Variants in MIB1 observed in about 807,000 individuals in gnomAD.
MIB1 encodes MIB E3 ubiquitin protein ligase 1, also known as E3 ubiquitin-protein ligase MIB1.
Under a neutral mutation model 124.5 loss-of-function variants are expected in MIB1, and 278 were observed. The observed-to-expected ratio is 2.23, with a 90% CI of 2.02 to 2.47. The LOEUF is 2.47. Among genes scored for constraint, MIB1 ranks in the 30% most tolerant of loss-of-function variants. The pLI is 0.00. For missense variants in MIB1, 957 were observed against 1,254.4 expected (o/e 0.76, Z 3.58); for synonymous variants, 446 against 429.4 (o/e 1.04, Z -0.48).
intron 12 of MIB1, among the ~76,000 whole-genome samples, chr18:21,822,104 A>G (rs1024427851): frequency 6.6e-6 from 1 of 152,220 alleles, no homozygotes; most frequent in African/African-American, 2.4e-5. Flanking sequence ...ATGTTATATG[A>G]TCAATTACAA....
chr18:21,722,889 T>C (rs1418840619), intron 1 of MIB1, among the ~76,000 whole-genome samples: 1 of 152,196 alleles, frequency 6.6e-6, no homozygotes, highest in African/African-American at 2.4e-5. Context: ...CCTTCCTCTC[T>C]TGGCTAAAGC....
At chr18:21,864,454 A>G (rs1402082010) in intron 20 of MIB1, 72 bp from the exon 21 acceptor site, 31 of 1,168,176 alleles carry the variant, frequency 2.7e-5, no homozygotes, top group Non-Finnish European at 3.8e-5. Context: ...AAGAAAATTA[A>G]TGATATATAA....
At chr18:21,730,132 C>T (rs1242377236) in intron 1 of MIB1, among the ~76,000 whole-genome samples, 1 of 152,186 alleles carries the variant, frequency 6.6e-6, no homozygotes, top group Non-Finnish European at 1.5e-5. Flanking sequence ...CTGATTTGTG[C>T]CACCATGAAG....
intron 12 of MIB1, among the ~76,000 whole-genome samples, chr18:21,822,327 A>T (rs2041886305): frequency 6.6e-6 from 1 of 152,250 alleles, no homozygotes; most frequent in African/African-American, 2.4e-5. Context: ...GGCATAGTAT[A>T]TTCAATAATG....
chr18:21,839,084 G>A (rs6508633), intron 13 of MIB1, among the ~76,000 whole-genome samples: 150,429 of 152,308 alleles, frequency 0.99, 74,323 homozygotes, highest in East Asian at 1. Context: ...AATTTTTCAT[G>A]TGCAAGCATA....
chr18:21,863,109 T>C (rs1205596574), intron 20 of MIB1, among the ~76,000 whole-genome samples: 1 of 152,204 alleles, frequency 6.6e-6, no homozygotes, highest in Non-Finnish European at 1.5e-5. Flanking sequence ...GCCACTGTGC[T>C]CAACTGTTTG....
intron 13 of MIB1, among the ~76,000 whole-genome samples, chr18:21,839,934 A>C (rs1000135165): frequency 5.9e-5 from 9 of 152,196 alleles, no homozygotes; most frequent in Non-Finnish European, 1.3e-4. Context: ...ACACCCCTGT[A>C]ATGCCAGCTA....
At chr18:21,755,696 T>C (rs2041024266) in intron 1 of MIB1, among the ~76,000 whole-genome samples, 1 of 152,218 alleles carries the variant, frequency 6.6e-6, no homozygotes, top group South Asian at 2.1e-4. Context: ...GATAATGTCA[T>C]AAGAAATGGA....
At chr18:21,713,824 C>T (rs1049329330) in intron 1 of MIB1, among the ~76,000 whole-genome samples, 4 of 150,042 alleles carry the variant, frequency 2.7e-5, no homozygotes, top group African/African-American at 7.4e-5. Flanking sequence ...GTCTTGAACT[C>T]CTGACCTCAA....
chr18:21,772,001 T>G (rs2041229055), intron 3 of MIB1, among the ~76,000 whole-genome samples: 1 of 152,032 alleles, frequency 6.6e-6, no homozygotes, highest in African/African-American at 2.4e-5. Flanking sequence ...AAAAAAAATT[T>G]ACATATGCTG....
chr18:21,819,723 G>A (rs1766217247), intron 12 of MIB1, 77 bp downstream of exon 12: 1 of 1,060,156 alleles, frequency 9.4e-7, no homozygotes, highest in Non-Finnish European at 1.3e-6. Flanking sequence ...TGATACTGAT[G>A]AAGAAATAAT....
Position 21,866,136 on chromosome 18 carries a change from TCTTA to T in MIB1, c.*1474_*1477del, listed in dbSNP as rs2042319941. On this transcript the variant is annotated 3_prime_UTR_variant, in exon 21 of 21. Coordinates refer to ENST00000261537, the MANE Select transcript of MIB1 (RefSeq NM_020774.4). ...CCCTCCTTTAAATCTGGCTAGCTTT[TCTTA>T]CTTCAGTTTTTATAGAACACCAACT... 2 of 152,356 alleles carry T rather than the reference TCTTA, an allele frequency of 1.3e-5. No individual in the cohort carries two copies. The highest frequency in any genetic ancestry group is 4.1e-4 in the South Asian group (2 of 4,828). 9.4% of individuals were successfully genotyped at this position (152,356 alleles called of 1,614,324 possible). A position where few individuals can be genotyped will look rare whatever the true frequency, so the allele number is the denominator to read the frequency against.
At chr18:21,817,268 C>G (rs1023177629) in intron 11 of MIB1, among the ~76,000 whole-genome samples, 1 of 149,830 alleles carries the variant, frequency 6.7e-6, no homozygotes, top group African/African-American at 2.5e-5. Context: ...CCCACCTCAG[C>G]CTCCCGAGTA....
At chr18:21,786,199 C>T (rs1272381953) in intron 6 of MIB1, among the ~76,000 whole-genome samples, 1 of 152,010 alleles carries the variant, frequency 6.6e-6, no homozygotes. Context: ...TGGGTTCACA[C>T]CATTCTCCTG....
chr18:21,742,601 G>A (rs2040867211), intron 1 of MIB1, among the ~76,000 whole-genome samples: 1 of 151,818 alleles, frequency 6.6e-6, no homozygotes, highest in Admixed American at 6.6e-5. Context: ...GTGAATTTTA[G>A]GGGTCTGTTA....
At position 21,867,224 on chromosome 18, in the gene MIB1, T is replaced by C. The variant is rs2042327277; in HGVS notation, c.*2558T>C. 6.6e-6 allele frequency: 1 copy of C among 152,274 alleles called. No individual in the cohort carries two copies. Among genetic ancestry groups the C allele is most frequent in the Non-Finnish European group, 1.5e-5 (1 of 68,034 alleles). The allele number at this position is 152,274 out of a possible 1,614,324, so 9.4% of individuals were successfully genotyped here. A position where few individuals can be genotyped will look rare whatever the true frequency, so the allele number is the denominator to read the frequency against. ...AATTTATTGTGCAGCAGTTGTGTAT[T>C]TTAAGGAATCTGTAGTTAAAAGGAA... On this transcript the variant is annotated 3_prime_UTR_variant, in exon 21 of 21. Transcript: ENST00000261537.
intron 6 of MIB1, among the ~76,000 whole-genome samples, chr18:21,788,373 G>C (rs1478975930): frequency 6.6e-6 from 1 of 152,140 alleles, no homozygotes; most frequent in Non-Finnish European, 1.5e-5. Context: ...GAGCATACAT[G>C]ATCATATCAG....
At chr18:21,761,226 G>GTTT (rs11393243) in intron 1 of MIB1, among the ~76,000 whole-genome samples, 3 of 141,128 alleles carry the variant, frequency 2.1e-5, no homozygotes, top group African/African-American at 2.6e-5. Context: ...ACACAAAGTG[G>GTTT]TTTTTTTTTT....
upstream of MIB1, among the ~76,000 whole-genome samples, chr18:21,738,778 G>C (rs1343794442): frequency 8.6e-6 from 1 of 116,172 alleles, no homozygotes; most frequent in Admixed American, 1.1e-4. Context: ...CTGCACTCCA[G>C]CCTGGGCCAC....
Sources: gnomAD v4.1 joint callset for allele counts (sites outside exome capture counted in the v4.1 genomes callset) on GRCh38, gnomAD v4.1.1 for gene constraint, MANE v1.5 for transcripts, NCBI Gene and HGNC (gene_info 2026-07-23, HGNC 2026-07-21) for gene names.